PRAG1: variants seen among roughly 807,000 people sequenced by gnomAD.
PRAG1 encodes inactive tyrosine-protein kinase PRAG1.
PRAG1 carries 110 observed loss-of-function variants against 95.6 expected under a neutral mutation model. The ratio of observed to expected loss-of-function variants is 1.15; its 90% CI spans 0.99 to 1.35. The LOEUF (loss-of-function observed/expected upper bound fraction) is 1.35, where lower values mean the gene tolerates loss of function less well. PRAG1 is among the 40% of genes most tolerant of loss of function. PRAG1 has a pLI of 0.00. For synonymous variants in PRAG1, 1,052 were observed against 819.4 expected, an observed-to-expected ratio of 1.28 and a Z score of -4.85; for missense variants, 2,554 against 1,864.7, an observed-to-expected ratio of 1.37 and a Z score of -6.81.
chr8:8,375,175 T>A (rs1800340281), intron 3 of PRAG1, among the ~76,000 whole-genome samples: 1 of 151,660 alleles, frequency 6.6e-6, no homozygotes, highest in Non-Finnish European at 1.5e-5. Context: ...AGTTTCAGCA[T>A]GCTAACACAA....
intron 1 of PRAG1, among the ~76,000 whole-genome samples, chr8:8,384,041 C>T (rs961527097): frequency 2.6e-5 from 4 of 152,146 alleles, no homozygotes; most frequent in Non-Finnish European, 5.9e-5. Context: ...ATGCCTGCTC[C>T]GCGGGATGGA....
In PRAG1 at chr8:8,318,745, G is replaced by C. The variant is rs377207657; in HGVS notation, c.3630C>G (p.Pro1210=). ...TCAAAAAGTTGCTGATGATGAGCCGGGGCAGCTGCTTCTCCCGGGGCCCTT... is the reference window on the plus strand; with the variant it reads ...TCAAAAAGTTGCTGATGATGAGCCGCGGCAGCTGCTTCTCCCGGGGCCCTT... ...SPEGPREKQL[P]RLIISNFLKA... The change falls in exon 6 of 6, where the codon CCC becomes CCG. Residue 1210 remains proline (P), a synonymous_variant. Coordinates refer to ENST00000615670, the MANE Select transcript of PRAG1 (RefSeq NM_001080826.3). This position sits in a 1 kb window ranked among gnomAD's most constrained non-coding sequence, Gnocchi z 4.2. 2.5e-6 allele frequency: 4 copies of C among 1,601,064 alleles called. No homozygotes were observed. The highest frequency in any genetic ancestry group is 3.4e-6 in the Non-Finnish European group (4 of 1,173,874).
At position 8,378,127 on chromosome 8, in the gene PRAG1, A is replaced by G. The variant is rs751066685; in HGVS notation, c.331-49T>C. 4 of 1,500,388 alleles carry G rather than the reference A, an allele frequency of 2.7e-6. No homozygotes were observed. In the South Asian group the frequency reaches 4.0e-5, roughly 15 times the overall value. 92.9% of individuals were successfully genotyped at this position (1,500,388 alleles called of 1,614,324 possible). On this transcript the variant is annotated intron_variant, in intron 2 of 5. Coordinates refer to ENST00000615670, the MANE Select transcript of PRAG1 (RefSeq NM_001080826.3). ...AGACTTATATTAGAACTTGTCATAGAAAAAAGAGAGAGAGGAAAAGTGAGA... is the reference window on the plus strand; with the variant it reads ...AGACTTATATTAGAACTTGTCATAGGAAAAAGAGAGAGAGGAAAAGTGAGA...
chr8:8,350,676 C>G (rs1039619251), intron 3 of PRAG1, among the ~76,000 whole-genome samples: 1 of 152,186 alleles, frequency 6.6e-6, no homozygotes, highest in African/African-American at 2.4e-5. Context: ...TGGTTAAGAG[C>G]ATGAACACTG....
chr8:8,355,444 C>A (rs1056936961), intron 3 of PRAG1, among the ~76,000 whole-genome samples: 6 of 151,886 alleles, frequency 4.0e-5, no homozygotes, highest in African/African-American at 9.7e-5. Context: ...ACAAAAAAAA[C>A]CCTTCAAATA....
intron 1 of PRAG1, among the ~76,000 whole-genome samples, chr8:8,384,667 A>G (rs1421020173): frequency 6.7e-6 from 1 of 150,038 alleles, no homozygotes; most frequent in African/African-American, 2.5e-5. Flanking sequence ...GCCTGGAATT[A>G]TCTCCTATTT....
chr8:8,354,022 G>A (rs1239338185), intron 3 of PRAG1, among the ~76,000 whole-genome samples: 1 of 150,956 alleles, frequency 6.6e-6, no homozygotes, highest in Non-Finnish European at 1.5e-5. Context: ...AAAAAAACAA[G>A]CAAAATCAAC....
chr8:8,376,610 C>T lies in PRAG1; in HGVS notation c.1799G>A (p.Arg600Gln), dbSNP rs199706360. 4.4e-4 allele frequency: 712 copies of T among 1,603,226 alleles called. 9 individuals carry two copies. In the Middle Eastern group the frequency reaches 0.024, roughly 54 times the overall value. The change falls in exon 3 of 6, where the codon CGG becomes CAG. Residue 600 changes from arginine (R) to glutamine (Q), a missense_variant. Physicochemically the swap from Arg to Gln is conservative, Grantham distance 43. Coordinates refer to ENST00000615670, the MANE Select transcript of PRAG1 (RefSeq NM_001080826.3). ...QGPADPAPSC[R>Q]TNGVAISDPS... The stretch of plus-strand genomic sequence containing the variant: ...GTCACTGATAGCGACACCGTTGGTC[C>T]GGCAGGAAGGAGCGGGGTCAGCAGG...
chr8:8,339,403 T>C (rs2117146030), intron 4 of PRAG1, 75 bp downstream of exon 4: 3 of 1,503,702 alleles, frequency 2.0e-6, no homozygotes, highest in Middle Eastern at 4.8e-4. Context: ...GCCCTTCCAA[T>C]CCCGCAAGCA....
intron 3 of PRAG1, among the ~76,000 whole-genome samples, chr8:8,358,992 T>C (rs1799767330): frequency 1.3e-5 from 2 of 152,268 alleles, no homozygotes; most frequent in African/African-American, 2.4e-5. Context: ...AAAACTCATA[T>C]TGTAGTTAAA....
intron 5 of PRAG1, among the ~76,000 whole-genome samples, chr8:8,326,545 G>T (rs1037096249): frequency 1.3e-5 from 2 of 152,258 alleles, no homozygotes; most frequent in Middle Eastern, 6.8e-3. Flanking sequence ...GCCACAGGAA[G>T]GACTGGAGTT....
Position 8,318,196 on chromosome 8 carries a change from G to T in PRAG1, c.4179C>A (p.Pro1393=), listed in dbSNP as rs773408888. ...LCCQYLASAE[P]GALLQSLKLL... ...GCTTCAGCGACTGTAAGAGGGCCCCGGGCTCCGCAGACGCCAGGTACTGGC... is the reference window on the plus strand; with the variant it reads ...GCTTCAGCGACTGTAAGAGGGCCCCTGGCTCCGCAGACGCCAGGTACTGGC... Residue 1393 remains proline (P), a synonymous_variant, in exon 6 of 6, where the codon CCC becomes CCA. Transcript: ENST00000615670. This position sits in a 1 kb window ranked among gnomAD's most constrained non-coding sequence, Gnocchi z 4.2. 1 of 1,613,904 alleles carries T rather than the reference G, an allele frequency of 6.2e-7. No homozygotes were observed. The highest frequency in any genetic ancestry group is 1.7e-5 in the Admixed American group (1 of 59,994).
intron 3 of PRAG1, among the ~76,000 whole-genome samples, chr8:8,348,300 C>T (rs6990504): frequency 0.74 from 112,194 of 152,094 alleles, 42,391 homozygotes; most frequent in East Asian, 0.9. Flanking sequence ...CCTGAAAGAG[C>T]CCTACCTGGC....
chr8:8,381,756 G>T lies in PRAG1; in HGVS notation c.-9C>A, dbSNP rs777014775. On this transcript the variant is annotated 5_prime_UTR_variant, in exon 2 of 6. Coordinates refer to ENST00000615670, the MANE Select transcript of PRAG1 (RefSeq NM_001080826.3). The stretch of plus-strand genomic sequence containing the variant: ...CAGAGGGTCTGGTGCATCTTGAGCC[G>T]ACAGGGTGCTGGTTCATCTTGCGCC... The T allele has an allele frequency of 1.3e-6, 2 of 1,565,488 alleles. No homozygotes were observed. Among genetic ancestry groups the T allele is most frequent in the African/African-American group, 2.7e-5 (2 of 73,930 alleles).
At chr8:8,320,656 G>C (rs1024562871) in intron 5 of PRAG1, among the ~76,000 whole-genome samples, 1 of 152,222 alleles carries the variant, frequency 6.6e-6, no homozygotes, top group Non-Finnish European at 1.5e-5. Context: ...TCAGATGTGA[G>C]AAGAAAGGCA....
intron 3 of PRAG1, among the ~76,000 whole-genome samples, chr8:8,363,631 G>A (rs992697678): frequency 1.8e-4 from 27 of 152,256 alleles, no homozygotes; most frequent in Middle Eastern, 3.4e-3. Flanking sequence ...CTTCCCTGGA[G>A]ACTGATTTAA....
chr8:8,365,175 T>A (rs1799960296), intron 3 of PRAG1, among the ~76,000 whole-genome samples: 1 of 152,202 alleles, frequency 6.6e-6, no homozygotes, highest in South Asian at 2.1e-4. Flanking sequence ...AGAAAAACTA[T>A]AAGTAGTATG....
At chr8:8,338,162 C>T (rs990982067) in intron 4 of PRAG1, among the ~76,000 whole-genome samples, 1 of 152,234 alleles carries the variant, frequency 6.6e-6, no homozygotes, top group Non-Finnish European at 1.5e-5. Context: ...AAGAAGCACT[C>T]ATGTTCTGGG....
In PRAG1 at chr8:8,328,298, C is replaced by G. The variant is rs55844905; in HGVS notation, c.2484G>C (p.Pro828=). 2 of 1,613,522 alleles carry G rather than the reference C, an allele frequency of 1.2e-6. No homozygotes were observed. The highest frequency in any genetic ancestry group is 1.7e-6 in the Non-Finnish European group (2 of 1,179,828). Residue 828 remains proline, a synonymous_variant, in exon 5 of 6, where the codon CCG becomes CCC. Coordinates refer to ENST00000615670, the MANE Select transcript of PRAG1 (RefSeq NM_001080826.3). The part of the protein sequence containing the change: ...KKIVSRAASS[P]DGFFWTQGSP... ...AGCCTTGGGTCCAGAAGAAGCCATC[C>G]GGTGAAGAGGCTGCCCGGCTCACTA...
Sources: gnomAD v4.1 joint callset for allele counts (sites outside exome capture counted in the v4.1 genomes callset) on GRCh38, gnomAD v4.1.1 for gene constraint, Gnocchi (gnomAD v3.1) non-coding constraint, MANE v1.5 for transcripts, NCBI Gene and HGNC (gene_info 2026-07-23, HGNC 2026-07-21) for gene names.